The following NEB variants were observed in gnomAD, a reference collection of about 807,000 sequenced individuals.
NEB encodes the protein nebulin, also known as nemaline myopathy type 2.
In NEB, 512 loss-of-function variants were observed where a neutral mutation model predicts 952.2. The ratio of observed to expected loss-of-function variants is 0.54; its 90% CI spans 0.50 to 0.58. The LOEUF is 0.58. Ranked by LOEUF, NEB falls within the 20% of genes least tolerant of loss-of-function variation. The probability of loss-of-function intolerance (pLI) is 0.00; values close to 1 mark genes in which losing one functional copy is unlikely to be tolerated. For synonymous variants in NEB, 2,900 were observed against 3,149.8 expected, an observed-to-expected ratio of 0.92 and a Z score of 2.66; for missense variants, 8,428 against 9,231.1, an observed-to-expected ratio of 0.91 and a Z score of 3.56.
In NEB at chr2:151,526,005, T is replaced by A. The variant is rs750642580; in HGVS notation, c.22114A>T (p.Thr7372Ser). Reference protein sequence around the residue: ...AQGSYTTLPETRDTVHVKEVT... With the variant: ...AQGSYTTLPESRDTVHVKEVT... ...TCCTTGACGTGAACAGTGTCCCGGG[T>A]CTCTGGTAGTGTTGTGTATGAGCCC... Residue 7372 changes from threonine (T) to serine (S), a missense_variant, in exon 150 of 182, where the codon ACC becomes TCC. Physicochemically the swap from Thr to Ser is moderately conservative, Grantham distance 58 (BLOSUM62 1). This residue lies in a region of NEB where 3,374 missense variants were observed against 3,651.5 expected (regional missense o/e 0.92). Transcript: ENST00000397345. The A allele has an allele frequency of 6.8e-6, 11 of 1,613,870 alleles. No homozygotes were observed. In the African/African-American group the frequency reaches 1.3e-4, roughly 20 times the overall value.
chr2:151,620,347 G>GTGTATA (rs1441051822), intron 72 of NEB, among the ~76,000 whole-genome samples: 29 of 48,446 alleles, frequency 6.0e-4, no homozygotes, highest in African/African-American at 1.3e-3. Flanking sequence ...GTATGTGTGT[G>GTGTATA]TATATATATA....
chr2:151,576,104 T>C, intron 106 of NEB, 47 bp downstream of exon 106: 1 of 1,378,882 alleles, frequency 7.3e-7, no homozygotes. Flanking sequence ...TTCTTTCTCA[T>C]CTATTTATGG....
chr2:151,565,428 T>G (rs1266805079), intron 116 of NEB, 73 bp downstream of exon 116: 1 of 1,061,320 alleles, frequency 9.4e-7, no homozygotes, highest in East Asian at 2.6e-5. Context: ...TATCTAAAGT[T>G]AAGCTAATCC....
intron 30 of NEB, among the ~76,000 whole-genome samples, chr2:151,680,243 C>T (rs548726582): frequency 6.6e-6 from 1 of 152,236 alleles, no homozygotes; most frequent in South Asian, 2.1e-4. Context: ...TTGCAAAGAT[C>T]CCTTGGAACT....
At chr2:151,567,870 G>A (rs569450156) in intron 113 of NEB, among the ~76,000 whole-genome samples, 15 of 152,148 alleles carry the variant, frequency 9.9e-5, no homozygotes, top group African/African-American at 2.9e-4. Flanking sequence ...GGTGGTGGGC[G>A]GGTGAAGAAA....
chr2:151,575,815 A>T lies in NEB; in HGVS notation c.16909-16T>A. On this transcript the variant is annotated splice_polypyrimidine_tract_variant and intron_variant, in intron 106 of 181. Coordinates refer to ENST00000397345, the MANE Select transcript of NEB (RefSeq NM_001164508.2). ...TGTACTTTGGCTGTGGAAAGAAACA[A>T]AAATAATAAAATTACTTCACAATTT... 1 of 1,474,856 alleles carries T rather than the reference A, an allele frequency of 6.8e-7. No homozygotes were observed. The highest frequency in any genetic ancestry group is 9.5e-7 in the Non-Finnish European group (1 of 1,053,058). The allele number at this position is 1,474,856 out of a possible 1,614,324, so 91.4% of individuals were successfully genotyped here.
At chr2:151,696,780 G>T in intron 16 of NEB, 45 bp from the exon 17 acceptor site, 2 of 1,461,422 alleles carry the variant, frequency 1.4e-6, no homozygotes, top group South Asian at 1.1e-5. Context: ...TCACCTGTCA[G>T]ATCCAAGGTG....
Position 151,533,539 on chromosome 2 carries a change from T to C in NEB, c.21320A>G (p.Tyr7107Cys), listed in dbSNP as rs1418282220. 2 of 1,549,290 alleles carry C rather than the reference T, an allele frequency of 1.3e-6. No individual in the cohort carries two copies. The highest frequency in any genetic ancestry group is 1.7e-4 in the Middle Eastern group (1 of 6,008). The change falls in exon 143 of 182, where the codon TAT becomes TGT. Residue 7107 changes from tyrosine (Y) to cysteine (C), a missense_variant. By Grantham distance (194) the Tyr-to-Cys change is radical (BLOSUM62 -2). Transcript: ENST00000397345. ...CAGAAACATCTTGGCACTAGATTTA[T>C]ATTTTCTCTGTCCATGCAAAGAGCA... ...YATQLMNERK[Y>C]KSSAKMFLQH...
intron 65 of NEB, among the ~76,000 whole-genome samples, chr2:151,632,655 G>A (rs994595982): frequency 5.9e-4 from 86 of 145,226 alleles, no homozygotes; most frequent in South Asian, 2.2e-4. Context: ...CAGCCTGGGC[G>A]ACAGAGGGAG....
intron 92 of NEB, among the ~76,000 whole-genome samples, 181 bp from the exon 93 acceptor site, chr2:151,594,499 C>T (rs1207597685): frequency 1.3e-5 from 2 of 151,294 alleles, no homozygotes; most frequent in African/African-American, 4.9e-5. Context: ...TAGGTCATTT[C>T]AGAGAGGACA....
intron 11 of NEB, 130 bp from the exon 12 acceptor site, chr2:151,709,893 C>T: frequency 1.5e-6 from 1 of 662,376 alleles, no homozygotes; most frequent in Non-Finnish European, 2.6e-6. Flanking sequence ...GGTCAGATTA[C>T]AATTAGAGAA....
At chr2:151,529,397 G>C (rs1468047264) in intron 145 of NEB, 83 bp from the exon 146 acceptor site, 1 of 891,180 alleles carries the variant, frequency 1.1e-6, no homozygotes, top group Non-Finnish European at 1.9e-6. Flanking sequence ...TTAAATCCAT[G>C]CATGACTATA....
At chr2:151,514,749 C>T in intron 158 of NEB, 69 bp downstream of exon 158, 2 of 1,115,550 alleles carry the variant, frequency 1.8e-6, no homozygotes, top group African/African-American at 1.6e-5. Context: ...GTAGGAGGAA[C>T]ACATTAATGA....
chr2:151,609,433 C>A (rs1201036988), intron 81 of NEB, among the ~76,000 whole-genome samples: 3 of 151,792 alleles, frequency 2.0e-5, no homozygotes, highest in Non-Finnish European at 2.9e-5. Flanking sequence ...AGCTGAATTC[C>A]ATAATATAAT....
At chr2:151,632,050 A>G (rs1052534519) in intron 65 of NEB, among the ~76,000 whole-genome samples, 3 of 152,196 alleles carry the variant, frequency 2.0e-5, no homozygotes, top group African/African-American at 7.2e-5. Context: ...TATTTATTAA[A>G]TGGACAATTT....
intron 105 of NEB, among the ~76,000 whole-genome samples, 196 bp from the exon 106 acceptor site, chr2:151,576,550 G>A (rs1193075647): frequency 3.8e-5 from 1 of 26,256 alleles, no homozygotes; most frequent in East Asian, 7.4e-4. Context: ...TTTTTTTTTT[G>A]AGACAGAGTC....
chr2:151,532,381 A>G (rs2153506030), intron 143 of NEB, among the ~76,000 whole-genome samples: 1 of 152,350 alleles, frequency 6.6e-6, no homozygotes, highest in Non-Finnish European at 1.5e-5. Flanking sequence ...TTGAACATGT[A>G]CAATCTCCAA....
In NEB at chr2:151,656,001, T is replaced by C. The variant is rs770736184; in HGVS notation, c.6518A>G (p.Asn2173Ser). The C allele has an allele frequency of 4.3e-6, 7 of 1,613,622 alleles. No individual in the cohort carries two copies. The South Asian group carries it at 5.5e-5, about 13-fold the overall frequency. ...CCAGCCAAGCCCTTTGTACCATTCATTGTAATCTTGCTTATATTCATTCTA... is the reference window on the plus strand; with the variant it reads ...CCAGCCAAGCCCTTTGTACCATTCACTGTAATCTTGCTTATATTCATTCTA... ...QSDNEYKQDYNEWYKGLGWSP... is the reference protein window; with the variant it reads ...QSDNEYKQDYSEWYKGLGWSP... Residue 2173 changes from asparagine to serine, a missense_variant, in exon 50 of 182, where the codon AAT (asparagine) becomes AGT (serine). Around this residue, in one of 11 missense-constraint regions of NEB, gnomAD observed 2,851 missense variants for 2,791.5 expected, o/e 1.02. Transcript: ENST00000397345.
intron 71 of NEB, among the ~76,000 whole-genome samples, chr2:151,622,044 C>G (rs1202716396): frequency 6.6e-6 from 1 of 152,152 alleles, no homozygotes; most frequent in Non-Finnish European, 1.5e-5. Context: ...CAGTCTCACT[C>G]TGTCGCCCAG....
Sources: gnomAD v4.1 joint callset for allele counts (sites outside exome capture counted in the v4.1 genomes callset) on GRCh38, gnomAD v4.1.1 for gene constraint, gnomAD v4.1.1 regional missense constraint, MANE v1.5 for transcripts, NCBI Gene and HGNC (gene_info 2026-07-23, HGNC 2026-07-21) for gene names.